The following EPAS1 variants were observed in gnomAD, a reference collection of about 807,000 sequenced individuals.
The protein encoded by EPAS1 is endothelial PAS domain protein 1, also known as endothelial PAS domain-containing protein 1.
In EPAS1, 23 loss-of-function variants were observed where a neutral mutation model predicts 87.9. That is an observed-to-expected ratio of 0.26 (90% confidence interval 0.19 to 0.37). The LOEUF (loss-of-function observed/expected upper bound fraction) is 0.37. Ranked by LOEUF, EPAS1 falls within the 10% of genes least tolerant of loss-of-function variation. EPAS1 has a pLI of 1.00. For missense variants in EPAS1, 1,138 were observed against 1,120.7 expected (o/e 1.02, Z -0.22); for synonymous variants, 508 against 444.3 (o/e 1.14, Z -1.80).
chr2:46,382,465 C>A lies in EPAS1; in HGVS notation c.2328C>A (p.Pro776=). The A allele has an allele frequency of 3.1e-6, 5 of 1,614,162 alleles. No homozygotes were observed. The highest frequency in any genetic ancestry group is 3.4e-6 in the Non-Finnish European group (4 of 1,180,030). ...ACCCCATGAGGGGCCTGGGCCATCC[C>A]CTGAGACATCTGCCGCTGCCACAGC... ...TQNPMRGLGH[P]LRHLPLPQPP... The change falls in exon 15 of 16, where the codon CCC becomes CCA. Residue 776 remains proline (P), a synonymous_variant. Coordinates refer to ENST00000263734, the MANE Select transcript of EPAS1 (RefSeq NM_001430.5).
intron 1 of EPAS1, among the ~76,000 whole-genome samples, chr2:46,324,810 G>C (rs370437408): frequency 6.6e-6 from 1 of 152,244 alleles, no homozygotes; most frequent in South Asian, 2.1e-4. Context: ...TTTGTTAAAT[G>C]TTGAGAATAG....
At chr2:46,332,273 GAA>G (rs10566727) in intron 1 of EPAS1, among the ~76,000 whole-genome samples, 3 of 135,660 alleles carry the variant, frequency 2.2e-5, no homozygotes, top group African/African-American at 5.7e-5. Context: ...GTGTTTCACA[GAA>G]AAAAAAAAAA....
Position 46,380,788 on chromosome 2 carries a change from C to T in EPAS1, c.2045+71C>T. On this transcript the variant is annotated intron_variant, in intron 12 of 15. Transcript: ENST00000263734. The surrounding 1 kb of genome is among the most constrained non-coding windows in gnomAD (Gnocchi z 4.4). ...GCACCCACTAGTAAGATAGCTGGAC[C>T]CCCAGGGAGGCCCCTGCCCCTCTCC... The T allele has an allele frequency of 1.3e-6, 2 of 1,597,800 alleles. No homozygotes were observed. The highest frequency in any genetic ancestry group is 2.2e-5 in the East Asian group (1 of 44,868).
intron 1 of EPAS1, among the ~76,000 whole-genome samples, chr2:46,342,311 G>T (rs1019995033): frequency 6.6e-6 from 1 of 152,176 alleles, no homozygotes. Flanking sequence ...GCAGCCACAA[G>T]CCTCATAGAA....
intron 15 of EPAS1, among the ~76,000 whole-genome samples, chr2:46,384,176 G>A (rs1012764262): frequency 6.6e-6 from 1 of 152,224 alleles, no homozygotes; most frequent in Admixed American, 6.5e-5. Context: ...CTGTGTATGT[G>A]AGCATAGGTG....
intron 1 of EPAS1, among the ~76,000 whole-genome samples, chr2:46,323,839 A>G (rs1264390571): frequency 6.6e-6 from 1 of 152,246 alleles, no homozygotes; most frequent in East Asian, 1.9e-4. Flanking sequence ...AGAATTTTGC[A>G]AAGATATACA....
In EPAS1 at chr2:46,346,804, A is replaced by G. The variant is rs779076866; in HGVS notation, c.27-69A>G. Reference sequence around the variant, plus strand: ...TGCACTGGGGGTTGGGGCCATGGGGATGTCCTGGCCAGAGGTATGATAGGC... The same window carrying G: ...TGCACTGGGGGTTGGGGCCATGGGGGTGTCCTGGCCAGAGGTATGATAGGC... On this transcript the variant is annotated intron_variant, in intron 1 of 15. Transcript: ENST00000263734. The surrounding 1 kb of genome is among the most constrained non-coding windows in gnomAD (Gnocchi z 4.0). 1 of 1,543,538 alleles carries G rather than the reference A, an allele frequency of 6.5e-7. No homozygotes were observed. The highest frequency in any genetic ancestry group is 8.9e-7 in the Non-Finnish European group (1 of 1,124,994).
At chr2:46,333,918 C>T (rs1309502380) in intron 1 of EPAS1, among the ~76,000 whole-genome samples, 1 of 152,034 alleles carries the variant, frequency 6.6e-6, no homozygotes, top group African/African-American at 2.4e-5. Flanking sequence ...ATAAATAAAA[C>T]ACCACCAGAG....
chr2:46,381,047 T>C (rs1331968890), intron 12 of EPAS1: 2 of 413,854 alleles, frequency 4.8e-6, no homozygotes, highest in Admixed American at 3.9e-5. Context: ...AGTGATGATT[T>C]TCCCTGGTTG....
intron 1 of EPAS1, 91 bp downstream of exon 1, chr2:46,298,028 A>G: frequency 6.6e-7 from 1 of 1,505,316 alleles, no homozygotes; most frequent in Non-Finnish European, 9.1e-7. Flanking sequence ...TTGGGAGAAG[A>G]GTGCTGAGAG....
chr2:46,378,871 G>C, intron 11 of EPAS1, 104 bp downstream of exon 11: 1 of 1,172,064 alleles, frequency 8.5e-7, no homozygotes, highest in Non-Finnish European at 1.3e-6. Context: ...GTAAAGAGCA[G>C]TGGAGACGTT....
chr2:46,382,083 C>T lies in EPAS1; in HGVS notation c.2281C>T (p.Pro761Ser). The part of the protein sequence containing the change: ...MPDKPLSANV[P>S]NDKFTQNPMR... ...GGACAAGCCACTGAGCGCAAATGTA[C>T]CCAATGGTGAGCAGCGGCCACAGGC... Residue 761 changes from proline to serine, a missense_variant, in exon 14 of 16, where the codon CCC becomes TCC. Pro to Ser is a moderately conservative substitution (Grantham distance 74). Coordinates refer to ENST00000263734, the MANE Select transcript of EPAS1 (RefSeq NM_001430.5). 6.2e-7 allele frequency: 1 copy of T among 1,613,828 alleles called. No homozygotes were observed. Among genetic ancestry groups the T allele is most frequent in the Non-Finnish European group, 8.5e-7 (1 of 1,179,950 alleles).
At chr2:46,349,569 T>G (rs1684105999) in intron 2 of EPAS1, among the ~76,000 whole-genome samples, 1 of 152,240 alleles carries the variant, frequency 6.6e-6, no homozygotes, top group Admixed American at 6.5e-5. Flanking sequence ...GCCTGTCAGC[T>G]CTGGTCCTCT....
In EPAS1 at chr2:46,369,681, T is replaced by C. The variant is rs1261273201; in HGVS notation, c.780-146T>C. 5.4e-5 allele frequency: 37 copies of C among 689,740 alleles called. No homozygotes were observed. The South Asian group carries it at 5.7e-4, about 11-fold the overall frequency. The allele number at this position is 689,740 out of a possible 1,614,324, so 42.7% of individuals were successfully genotyped here. ...AGATTGAGCACAGTGTTCTTTTGCT[T>C]GGATACATGGTACAACAAGAAAGTC... On this transcript the variant is annotated intron_variant, in intron 6 of 15. Coordinates refer to ENST00000263734, the MANE Select transcript of EPAS1 (RefSeq NM_001430.5).
chr2:46,299,092 G>C (rs1682943690), intron 1 of EPAS1, among the ~76,000 whole-genome samples: 1 of 152,264 alleles, frequency 6.6e-6, no homozygotes, highest in African/African-American at 2.4e-5. Context: ...GACTCGCTAA[G>C]GGAGGGAGGT....
chr2:46,345,568 A>T (rs571644614), intron 1 of EPAS1, among the ~76,000 whole-genome samples: 1 of 152,146 alleles, frequency 6.6e-6, no homozygotes, highest in Admixed American at 6.5e-5. Context: ...CAGTTTCCTC[A>T]TATGTAAATT....
chr2:46,302,734 G>GAAA (rs368452487), intron 1 of EPAS1, among the ~76,000 whole-genome samples: 14 of 119,530 alleles, frequency 1.2e-4, no homozygotes, highest in East Asian at 6.8e-4. Flanking sequence ...GTCTGATTAG[G>GAAA]AAAAAAAAAA....
At chr2:46,359,207 C>CAAGATCACG (rs1684334766) in intron 4 of EPAS1, among the ~76,000 whole-genome samples, 2 of 133,050 alleles carry the variant, frequency 1.5e-5, no homozygotes, top group African/African-American at 5.8e-5. Flanking sequence ...TGCAGTGAGC[C>CAAGATCACG]AAGATCACGC....
At position 46,328,861 on chromosome 2, in the gene EPAS1, G is replaced by A. The variant is rs111682360; in HGVS notation, c.27-18012G>A. Among the ~76,000 whole-genome samples, 19 of 152,288 alleles carry A rather than the reference G, an allele frequency of 1.2e-4. 1 individual carries two copies. Among genetic ancestry groups the A allele is most frequent in the African/African-American group, 4.3e-4 (18 of 41,554 alleles). On this transcript the variant is annotated intron_variant, in intron 1 of 15. Coordinates refer to ENST00000263734, the MANE Select transcript of EPAS1 (RefSeq NM_001430.5). ...TCTGCCTTCCAGGCCAGTCTTCTAAGCACCTTTTTCTTCTCTTTCACATTT... is the reference window on the plus strand; with the variant it reads ...TCTGCCTTCCAGGCCAGTCTTCTAAACACCTTTTTCTTCTCTTTCACATTT...
Sources: allele counts gnomAD v4.1 joint callset (sites outside exome capture counted in the v4.1 genomes callset), GRCh38; gene constraint gnomAD v4.1.1; non-coding constraint Gnocchi (gnomAD v3.1); transcripts MANE v1.5; gene names NCBI Gene and HGNC (gene_info 2026-07-23, HGNC 2026-07-21).